The following ARFRP1 variants were observed in gnomAD, a reference collection of about 807,000 sequenced individuals.
ARFRP1 encodes ADP-ribosylation factor-related protein 1.
Under a neutral mutation model 30.3 loss-of-function variants are expected in ARFRP1, and 19 were observed. That is an observed-to-expected ratio of 0.63 (90% CI 0.44 to 0.92). ARFRP1 has a LOEUF of 0.92. ARFRP1 is among the 40% of genes least tolerant of loss of function. The pLI is 0.00. For synonymous variants in ARFRP1, 133 were observed against 114.2 expected, an observed-to-expected ratio of 1.16 and a Z score of -1.05; for missense variants, 245 against 267.5, an observed-to-expected ratio of 0.92 and a Z score of 0.59.
intron 6 of ARFRP1, 113 bp from the exon 7 acceptor site, chr20:63,700,815 T>C: frequency 7.2e-7 from 1 of 1,390,794 alleles, no homozygotes; most frequent in Non-Finnish European, 9.7e-7. Context: ...CAGCCAGAGC[T>C]CCACCAGGGT....
chr20:63,706,040 C>T lies in ARFRP1; in HGVS notation c.264+317G>A, dbSNP rs1047160804. The T allele has an allele frequency of 1.1e-5, 4 of 372,772 alleles. No homozygotes were observed. The Admixed American group carries it at 1.1e-4, about 11-fold the overall frequency. The allele number at this position is 372,772 out of a possible 1,614,324, so 23.1% of individuals were successfully genotyped here. A position where few individuals can be genotyped will look rare whatever the true frequency, so the allele number is the denominator to read the frequency against. Reference sequence around the variant, plus strand: ...GTCACCTGAGGATGCCGCACTCTGTCAACAGGTTCCCCTAATACATGCTCT... The same window carrying T: ...GTCACCTGAGGATGCCGCACTCTGTTAACAGGTTCCCCTAATACATGCTCT... On this transcript the variant is annotated intron_variant, in intron 4 of 7. Transcript: ENST00000622789.
Position 63,701,894 on chromosome 20 carries a change from A to G in ARFRP1, c.353T>C (p.Val118Ala). The change falls in exon 6 of 8, where the codon GTG becomes GCG. Residue 118 changes from valine (V) to alanine (A), a missense_variant. Val to Ala is a moderately conservative substitution (Grantham distance 64). Transcript: ENST00000622789. ...ACCGCACAGCGCCTCGCTGGTCACCACCTTCTCTGGGGAGGGCAGGAGAGG... is the reference window on the plus strand; with the variant it reads ...ACCGCACAGCGCCTCGCTGGTCACCGCCTTCTCTGGGGAGGGCAGGAGAGG... ...LAESKQAFEKVVTSEALCGVP... is the reference protein window; with the variant it reads ...LAESKQAFEKAVTSEALCGVP... 6.5e-7 allele frequency: 1 copy of G among 1,547,084 alleles called. No individual in the cohort carries two copies. Among genetic ancestry groups the G allele is most frequent in the Non-Finnish European group, 8.7e-7 (1 of 1,146,588 alleles).
At position 63,698,734 on chromosome 20, in the gene ARFRP1, C is replaced by T. The variant is rs910455024; in HGVS notation, c.*1709G>A. On this transcript the variant is annotated 3_prime_UTR_variant, in exon 8 of 8. Transcript: ENST00000622789. ...GGAGGGCAGCCGGGGACACCTGAGC[C>T]GCCCGCTGTGCCCAGATCCCTCAGG... 2.3e-5 allele frequency: 18 copies of T among 778,414 alleles called. No homozygotes were observed. Among genetic ancestry groups the T allele is most frequent in the African/African-American group, 1.1e-4 (6 of 53,780 alleles). 48.2% of individuals were successfully genotyped at this position (778,414 alleles called of 1,614,324 possible).
intron 1 of ARFRP1, 55 bp from the exon 2 acceptor site, chr20:63,707,152 G>C: frequency 6.7e-7 from 1 of 1,497,166 alleles, no homozygotes; most frequent in East Asian, 2.5e-5. Context: ...CCCTCCCCCG[G>C]GCTTCTCCAC....
Position 63,700,402 on chromosome 20 carries a change from G to A in ARFRP1, c.*41C>T, listed in dbSNP as rs2091139579. On this transcript the variant is annotated 3_prime_UTR_variant, in exon 8 of 8. Transcript: ENST00000622789. ...GAGCCAACAGGAGGCCACTCCTCCAGCACCAGGGGACCAGCCGTCCCGACG... is the reference window on the plus strand; with the variant it reads ...GAGCCAACAGGAGGCCACTCCTCCAACACCAGGGGACCAGCCGTCCCGACG... The A allele has an allele frequency of 1.9e-6, 3 of 1,601,578 alleles. No homozygotes were observed. The highest frequency in any genetic ancestry group is 1.1e-5 in the South Asian group (1 of 90,766).
At chr20:63,703,686 G>T (rs1453535426) in intron 4 of ARFRP1, 1 of 152,376 alleles carries the variant, frequency 6.6e-6, no homozygotes, top group Non-Finnish European at 1.5e-5. Context: ...GAATCTCCAC[G>T]TGGCTCCTGG....
At chr20:63,702,001 C>CT (rs1183709773) in intron 5 of ARFRP1, 101 bp from the exon 6 acceptor site, 38 of 286,152 alleles carry the variant, frequency 1.3e-4, no homozygotes, top group Non-Finnish European at 1.9e-4. Flanking sequence ...TCCCTCTGCC[C>CT]CCCCCCCCCC....
chr20:63,699,950 C>T lies in ARFRP1; in HGVS notation c.*493G>A. 1 of 191,862 alleles carries T rather than the reference C, an allele frequency of 5.2e-6. No homozygotes were observed. The highest frequency in any genetic ancestry group is 9.6e-5 in the South Asian group (1 of 10,400). 11.9% of individuals were successfully genotyped at this position (191,862 alleles called of 1,614,324 possible). A position where few individuals can be genotyped will look rare whatever the true frequency, so the allele number is the denominator to read the frequency against. ...TGGCCTTTGGGAACATGGCCTGGGT[C>T]TTCCTCAAGGCAAGATCAGCCCCAG... is the stretch of plus-strand genomic sequence containing the variant. On this transcript the variant is annotated 3_prime_UTR_variant, in exon 8 of 8. Transcript: ENST00000622789.
chr20:63,706,806 A>G (rs1474635870), intron 2 of ARFRP1, 68 bp from the exon 3 acceptor site: 2 of 1,390,818 alleles, frequency 1.4e-6, no homozygotes, highest in Non-Finnish European at 2.0e-6. Context: ...ATCCTTACTC[A>G]GGTCTGTTCT....
chr20:63,701,368 G>C (rs557132820), intron 6 of ARFRP1: 6 of 537,538 alleles, frequency 1.1e-5, no homozygotes, highest in Admixed American at 3.9e-5. Context: ...CAGTGCTCCC[G>C]GGGGCAGTGG....
intron 6 of ARFRP1, chr20:63,701,254 G>A (rs764519105): frequency 5.7e-6 from 3 of 528,104 alleles, no homozygotes; most frequent in Non-Finnish European, 1.2e-5. Flanking sequence ...GGGCAACAGA[G>A]CCACCCCAGA....
intron 6 of ARFRP1, 145 bp from the exon 7 acceptor site, chr20:63,700,847 C>G (rs2091170331): frequency 1.8e-6 from 2 of 1,135,916 alleles, no homozygotes; most frequent in Admixed American, 2.4e-5. Flanking sequence ...CCACAGAGAC[C>G]ACAGCAGTGA....
chr20:63,701,371 G>A (rs1446291130), intron 6 of ARFRP1: 3 of 539,438 alleles, frequency 5.6e-6, no homozygotes, highest in South Asian at 1.4e-5. Flanking sequence ...TGCTCCCGGG[G>A]GCAGTGGCAC....
At position 63,700,100 on chromosome 20, in the gene ARFRP1, T is replaced by C. The variant is rs1252926208; in HGVS notation, c.*343A>G. ...GGGTCTCCCGAGGGTCCCACAGGGC[T>C]GTCCTCATGCAGCCCAAGCCAGCCT... On this transcript the variant is annotated 3_prime_UTR_variant, in exon 8 of 8. Coordinates refer to ENST00000622789, the MANE Select transcript of ARFRP1 (RefSeq NM_001267547.3). 1 of 369,446 alleles carries C rather than the reference T, an allele frequency of 2.7e-6. No homozygotes were observed. The allele number at this position is 369,446 out of a possible 1,614,324, so 22.9% of individuals were successfully genotyped here.
In ARFRP1 at chr20:63,699,270, C is replaced by T. The variant is rs2091073262; in HGVS notation, c.*1173G>A. 1 of 152,280 alleles carries T rather than the reference C, an allele frequency of 6.6e-6. No homozygotes were observed. Among genetic ancestry groups the T allele is most frequent in the Non-Finnish European group, 1.5e-5 (1 of 68,094 alleles). 9.4% of individuals were successfully genotyped at this position (152,280 alleles called of 1,614,324 possible). On this transcript the variant is annotated 3_prime_UTR_variant, in exon 8 of 8. Transcript: ENST00000622789. The stretch of plus-strand genomic sequence containing the variant: ...ACGCGGGGACTTCCAGGGCCCGACT[C>T]CTGTGAGTCACAGCCCCGCAGCTGC...
rs2145518877 is a variant in ARFRP1 at position 63,700,396 on chromosome 20, C to G, written c.*47G>C. ...GCATGGGAGCCAACAGGAGGCCACT[C>G]CTCCAGCACCAGGGGACCAGCCGTC... On this transcript the variant is annotated 3_prime_UTR_variant, in exon 8 of 8. Coordinates refer to ENST00000622789, the MANE Select transcript of ARFRP1 (RefSeq NM_001267547.3). The G allele has an allele frequency of 1.2e-6, 2 of 1,600,668 alleles. No individual in the cohort carries two copies. The highest frequency in any genetic ancestry group is 1.1e-5 in the South Asian group (1 of 90,676).
At chr20:63,700,855 T>C (rs1316231470) in intron 6 of ARFRP1, 153 bp from the exon 7 acceptor site, 1 of 1,036,532 alleles carries the variant, frequency 9.6e-7, no homozygotes, top group Non-Finnish European at 1.4e-6. Context: ...ACCACAGCAG[T>C]GAGGACCCTG....
chr20:63,701,998 G>GGCCCCCCCCCCCCCCC, intron 5 of ARFRP1, 98 bp from the exon 6 acceptor site: 1 of 583,916 alleles, frequency 1.7e-6, no homozygotes, highest in Non-Finnish European at 2.6e-6. Flanking sequence ...CACTCCCTCT[G>GGCCCCCCCCCCCCCCC]CCCCCCCCCC....
In ARFRP1 at chr20:63,707,102, G is replaced by A. The variant is rs1243516872; in HGVS notation, c.-6-5C>T. On this transcript the variant is annotated splice_region_variant and splice_polypyrimidine_tract_variant and intron_variant, in intron 1 of 7. Transcript: ENST00000622789. The stretch of plus-strand genomic sequence containing the variant: ...CAGCAGCGTGTACATCCTGCCCTGG[G>A]CACCCCAACATAGGTCAGTGTGCAG... 3.8e-6 allele frequency: 6 copies of A among 1,598,828 alleles called. No individual in the cohort carries two copies. The highest frequency in any genetic ancestry group is 5.1e-6 in the Non-Finnish European group (6 of 1,173,134).
Sources: gnomAD v4.1 joint callset for allele counts on GRCh38, gnomAD v4.1.1 for gene constraint, MANE v1.5 for transcripts, NCBI Gene and HGNC (gene_info 2026-07-23, HGNC 2026-07-21) for gene names.